The following TRIM2 variants were observed in gnomAD, a reference collection of about 807,000 sequenced individuals.
TRIM2 encodes tripartite motif-containing protein 2.
TRIM2 carries 20 observed loss-of-function variants against 75.2 expected under a neutral mutation model. The ratio of observed to expected loss-of-function variants is 0.27; its 90% CI spans 0.19 to 0.39. The LOEUF is 0.39. TRIM2 is among the 10% of genes least tolerant of loss of function. TRIM2 has a pLI of 1.00. For synonymous variants in TRIM2, 373 were observed against 388.3 expected (o/e 0.96, Z 0.46); for missense variants, 660 against 990.8 (o/e 0.67, Z 4.48).
intron 1 of TRIM2, among the ~76,000 whole-genome samples, chr4:153,171,361 G>A (rs924648137): frequency 2.0e-5 from 3 of 152,122 alleles, no homozygotes; most frequent in Admixed American, 6.5e-5. Flanking sequence ...TGAGGCAGGC[G>A]GATCACCTGA....
intron 3 of TRIM2, among the ~76,000 whole-genome samples, chr4:153,279,258 T>A (rs1758698932): frequency 6.6e-6 from 1 of 152,202 alleles, no homozygotes; most frequent in African/African-American, 2.4e-5. Flanking sequence ...TAAAAAGGCC[T>A]GTGCTAAAGT....
chr4:153,156,592 G>A (rs1406223976), intron 1 of TRIM2: 1 of 152,218 alleles, frequency 6.6e-6, no homozygotes, highest in East Asian at 1.9e-4. Flanking sequence ...CTCTTGCAGG[G>A]GAGGGGAGGA....
upstream of TRIM2, among the ~76,000 whole-genome samples, chr4:153,200,511 T>C (rs1734223665): frequency 6.6e-6 from 1 of 152,160 alleles, no homozygotes; most frequent in Non-Finnish European, 1.5e-5. Context: ...TACACGTATT[T>C]GTTTGAGCCC....
rs201490295 is a variant in TRIM2 at position 153,293,152 on chromosome 4, A to C, written c.605+19A>C. The C allele has an allele frequency of 2.1e-4, 336 of 1,592,856 alleles. 1 individual carries two copies. The highest frequency in any genetic ancestry group is 1.0e-5 in the Non-Finnish European group (12 of 1,164,748). On this transcript the variant is annotated intron_variant, in intron 4 of 11. Coordinates refer to ENST00000338700, the MANE Select transcript of TRIM2 (RefSeq NM_015271.5). ...ACAAAAGGTGGGGGACCCCTCCCCA[A>C]ACCCCCAACTGGCTGCCTGTACTTG...
At chr4:153,194,829 T>C (rs1326862508) in intron 1 of TRIM2, among the ~76,000 whole-genome samples, 8 of 152,210 alleles carry the variant, frequency 5.3e-5, no homozygotes, top group Non-Finnish European at 1.5e-5. Context: ...GGGTGGTGGT[T>C]AAAAACTCCT....
intron 3 of TRIM2, among the ~76,000 whole-genome samples, chr4:153,282,465 G>A (rs1270456163): frequency 6.6e-6 from 1 of 152,200 alleles, no homozygotes; most frequent in Non-Finnish European, 1.5e-5. Context: ...GGCCAAGGCA[G>A]GAGGATCACT....
At chr4:153,259,941 C>T (rs1389564451) in intron 1 of TRIM2, among the ~76,000 whole-genome samples, 3 of 152,180 alleles carry the variant, frequency 2.0e-5, no homozygotes, top group African/African-American at 4.8e-5. Context: ...TTTACCTCTT[C>T]GGTCTTCACA....
At chr4:153,227,427 G>T (rs1398336448) in intron 1 of TRIM2, among the ~76,000 whole-genome samples, 1 of 152,134 alleles carries the variant, frequency 6.6e-6, no homozygotes, top group East Asian at 1.9e-4. Context: ...GGATGAGATC[G>T]GGTCTCTTTA....
At chr4:153,215,204 C>G (rs536979122) in intron 1 of TRIM2, among the ~76,000 whole-genome samples, 1 of 152,134 alleles carries the variant, frequency 6.6e-6, no homozygotes, top group Non-Finnish European at 1.5e-5. Context: ...GTGCCACTTT[C>G]TCTTGTTTAG....
At chr4:153,267,614 G>A (rs986552900) in intron 1 of TRIM2, among the ~76,000 whole-genome samples, 4 of 152,198 alleles carry the variant, frequency 2.6e-5, no homozygotes, top group African/African-American at 9.6e-5. Flanking sequence ...TCGCGCCACT[G>A]CACTCCAGCC....
chr4:153,335,151 T>G lies in TRIM2; in HGVS notation c.*185T>G. On this transcript the variant is annotated 3_prime_UTR_variant, in exon 12 of 12. Transcript: ENST00000338700. ...CTTATCCAATTTCTGTATTTCACCT[T>G]TAGGGTTAAAAAAAACTCTTCTACT... The G allele has an allele frequency of 7.8e-7, 1 of 1,279,660 alleles. No individual in the cohort carries two copies. 79.3% of individuals were successfully genotyped at this position (1,279,660 alleles called of 1,614,324 possible).
chr4:153,187,702 G>C (rs1732746962), intron 1 of TRIM2, among the ~76,000 whole-genome samples: 2 of 152,182 alleles, frequency 1.3e-5, no homozygotes, highest in African/African-American at 2.4e-5. Context: ...AGGAGTGACT[G>C]GGCCCTGACA....
chr4:153,231,624 A>G (rs1032411792), intron 1 of TRIM2, among the ~76,000 whole-genome samples: 2 of 152,190 alleles, frequency 1.3e-5, no homozygotes, highest in African/African-American at 4.8e-5. Context: ...TTCAGTGCCT[A>G]TTGGAGAAAT....
At chr4:153,241,398 C>G (rs141361395) in intron 1 of TRIM2, among the ~76,000 whole-genome samples, 1,852 of 152,312 alleles carry the variant, frequency 0.012, 25 homozygotes, top group African/African-American at 0.041. Flanking sequence ...GGGGGATGGT[C>G]CTGCCCCCTC....
At chr4:153,169,242 G>A (rs758385999) in intron 1 of TRIM2, among the ~76,000 whole-genome samples, 9 of 152,200 alleles carry the variant, frequency 5.9e-5, no homozygotes, top group South Asian at 2.1e-4. Context: ...AGAGTGGAGA[G>A]GCTGTTACTT....
chr4:153,185,462 G>A (rs965326901), intron 1 of TRIM2, among the ~76,000 whole-genome samples: 1 of 151,990 alleles, frequency 6.6e-6, no homozygotes, highest in Admixed American at 6.6e-5. Context: ...ACAGCCTACT[G>A]CATGTCTCGG....
chr4:153,156,679 A>C (rs1007085087), intron 1 of TRIM2: 3 of 152,236 alleles, frequency 2.0e-5, no homozygotes, highest in Non-Finnish European at 2.9e-5. Context: ...AGACTCTAAA[A>C]TTCCCAGTTC....
chr4:153,287,777 GTTTTA>G (rs1169103473), intron 3 of TRIM2, among the ~76,000 whole-genome samples: 1 of 152,138 alleles, frequency 6.6e-6, no homozygotes, highest in Non-Finnish European at 1.5e-5. Flanking sequence ...GTTTTATGCA[GTTTTA>G]TTTTATGTCA....
chr4:153,199,659 T>A (rs910311557), upstream of TRIM2, among the ~76,000 whole-genome samples: 1 of 152,206 alleles, frequency 6.6e-6, no homozygotes, highest in Admixed American at 6.5e-5. Context: ...TGCAAGCAGG[T>A]CTACTGGCAC....
Sources: allele counts gnomAD v4.1 joint callset (sites outside exome capture counted in the v4.1 genomes callset), GRCh38; gene constraint gnomAD v4.1.1; transcripts MANE v1.5; gene names NCBI Gene and HGNC (gene_info 2026-07-23, HGNC 2026-07-21).